The following CPVL variants were observed in gnomAD, a reference collection of about 807,000 sequenced individuals.
CPVL encodes carboxypeptidase vitellogenic like.
In CPVL, 51 loss-of-function variants were observed where a neutral mutation model predicts 63.7. The observed-to-expected ratio is 0.80, with a 90% confidence interval of 0.64 to 1.01. The LOEUF is 1.01. CPVL is among the 50% of genes least tolerant of loss of function. The pLI is 0.00. For missense variants in CPVL, 530 were observed against 573.1 expected (o/e 0.92, Z 0.77); for synonymous variants, 195 against 206.0 (o/e 0.95, Z 0.46).
chr7:29,150,285 T>A (rs1793410757), upstream of CPVL, among the ~76,000 whole-genome samples: 1 of 152,226 alleles, frequency 6.6e-6, no homozygotes, highest in South Asian at 2.1e-4. Flanking sequence ...TACTATTAGC[T>A]ATCTTGCGGT....
intron 9 of CPVL, among the ~76,000 whole-genome samples, chr7:29,068,902 C>G (rs1208276786): frequency 6.7e-6 from 1 of 150,166 alleles, no homozygotes; most frequent in Non-Finnish European, 1.5e-5. Flanking sequence ...TCACCGTGGT[C>G]TCGATCTCCT....
chr7:29,028,453 C>T (rs1251625759), intron 12 of CPVL, among the ~76,000 whole-genome samples: 3 of 151,936 alleles, frequency 2.0e-5, no homozygotes, highest in African/African-American at 7.3e-5. Flanking sequence ...TGGCTAAGAC[C>T]CCAAAAGCAT....
At chr7:29,064,642 G>T (rs1322332873) in intron 10 of CPVL, among the ~76,000 whole-genome samples, 1 of 152,100 alleles carries the variant, frequency 6.6e-6, no homozygotes, top group African/African-American at 2.4e-5. Context: ...GGGCCAGGTT[G>T]GTGGTGTGCT....
intron 1 of CPVL, among the ~76,000 whole-genome samples, chr7:29,129,348 T>C (rs1790429719): frequency 6.6e-6 from 1 of 152,368 alleles, no homozygotes; most frequent in Admixed American, 6.5e-5. Context: ...GCATGAATTG[T>C]TATGTGCTGA....
In CPVL at chr7:29,068,550, C is replaced by T. The variant is rs544186026; in HGVS notation, c.865-2429G>A. Among the ~76,000 whole-genome samples, 15 of 152,222 alleles carry T rather than the reference C, an allele frequency of 9.9e-5. No homozygotes were observed. In the South Asian group the frequency reaches 1.5e-3, roughly 15 times the overall value. Reference sequence around the variant, plus strand: ...ACAGGGAACCAGCCAAAGTTCTGCTCGCTGAGCTGGAGAGCCTGGCTCAGG... The same window carrying T: ...ACAGGGAACCAGCCAAAGTTCTGCTTGCTGAGCTGGAGAGCCTGGCTCAGG... On this transcript the variant is annotated intron_variant, in intron 9 of 12. Coordinates refer to ENST00000265394, the MANE Select transcript of CPVL (RefSeq NM_031311.5).
chr7:29,022,054 G>A (rs1448829158), intron 12 of CPVL, among the ~76,000 whole-genome samples: 1 of 152,170 alleles, frequency 6.6e-6, no homozygotes, highest in African/African-American at 2.4e-5. Flanking sequence ...CAGAGCCTGA[G>A]AGCTGCCTGC....
intron 10 of CPVL, 73 bp from the exon 11 acceptor site, chr7:29,064,307 G>C (rs1447892228): frequency 1.1e-6 from 1 of 905,034 alleles, no homozygotes; most frequent in Non-Finnish European, 1.7e-6. Context: ...GAAAAGCTGT[G>C]AATTTCTCAT....
Position 29,071,807 on chromosome 7 carries a change from T to A in CPVL, c.830A>T (p.His277Leu). 6.2e-7 allele frequency: 1 copy of A among 1,613,138 alleles called. No homozygotes were observed. Among genetic ancestry groups the A allele is most frequent in the Non-Finnish European group, 8.5e-7 (1 of 1,179,568 alleles). The change falls in exon 9 of 13, where the codon CAC (histidine) becomes CTC (leucine). Residue 277 changes from histidine to leucine, a missense_variant. Physicochemically the swap from His to Leu is moderately conservative, Grantham distance 99. Coordinates refer to ENST00000265394, the MANE Select transcript of CPVL (RefSeq NM_031311.5). The part of the protein sequence containing the change: ...FQKQCHECIE[H>L]IRKQNWFEAF... ...CTCAAACCAGTTCTGCTTCCTGATG[T>A]GTTCTATGCATTCATGGCACTGCTT...
At chr7:29,171,233 C>T (rs759489520) in intron 5 of CPVL, among the ~76,000 whole-genome samples, 19 of 152,144 alleles carry the variant, frequency 1.2e-4, no homozygotes, top group South Asian at 4.1e-4. Flanking sequence ...TCACCTAATA[C>T]GCGTCCTACT....
intron 5 of CPVL, among the ~76,000 whole-genome samples, chr7:29,171,842 C>T (rs967279917): frequency 6.6e-6 from 1 of 152,170 alleles, no homozygotes; most frequent in Non-Finnish European, 1.5e-5. Flanking sequence ...GTAGCTGAAG[C>T]TTTCAAGCAT....
At chr7:28,997,391 A>C (rs1449408428) in intron 12 of CPVL, among the ~76,000 whole-genome samples, 1 of 152,230 alleles carries the variant, frequency 6.6e-6, no homozygotes, top group Non-Finnish European at 1.5e-5. Context: ...AAGGAAACTG[A>C]GGCAGAAAAA....
intron 1 of CPVL, chr7:29,124,902 A>G (rs1453243952): frequency 6.6e-6 from 1 of 152,148 alleles, no homozygotes; most frequent in African/African-American, 2.4e-5. Flanking sequence ...AAAAGTGCTT[A>G]TTCCTTATTA....
At chr7:29,036,164 A>G (rs1788505296) in intron 11 of CPVL, among the ~76,000 whole-genome samples, 1 of 152,188 alleles carries the variant, frequency 6.6e-6, no homozygotes, top group African/African-American at 2.4e-5. Context: ...ACACCTTCGG[A>G]CCAGTGCAGT....
At chr7:29,116,421 T>C (rs764212688) in intron 2 of CPVL, among the ~76,000 whole-genome samples, 15 of 152,244 alleles carry the variant, frequency 9.9e-5, no homozygotes, top group Non-Finnish European at 1.9e-4. Context: ...TGGAGGAGTT[T>C]CTATCTTTCC....
intron 12 of CPVL, among the ~76,000 whole-genome samples, chr7:29,015,120 C>A (rs1786273356): frequency 6.6e-6 from 1 of 152,224 alleles, no homozygotes; most frequent in African/African-American, 2.4e-5. Flanking sequence ...AATTAGGAAG[C>A]TGTGGTCGTT....
intron 3 of CPVL, among the ~76,000 whole-genome samples, chr7:29,105,383 TG>T (rs1236866903): frequency 6.6e-6 from 1 of 152,212 alleles, no homozygotes; most frequent in Non-Finnish European, 1.5e-5. Flanking sequence ...TGGCCATACT[TG>T]GCCGAGTGCC....
chr7:29,148,019 G>A (rs1406369966), upstream of CPVL, among the ~76,000 whole-genome samples: 2 of 152,156 alleles, frequency 1.3e-5, no homozygotes, highest in Non-Finnish European at 2.9e-5. Context: ...TGGAAGCTCG[G>A]TCAAGCTTCC....
intron 3 of CPVL, among the ~76,000 whole-genome samples, chr7:29,097,699 A>G (rs1473002639): frequency 2.6e-5 from 4 of 152,244 alleles, no homozygotes; most frequent in African/African-American, 9.6e-5. Context: ...TCTGTCTCAA[A>G]TAAATAAATA....
intron 2 of CPVL, among the ~76,000 whole-genome samples, chr7:29,115,017 T>C (rs1222293350): frequency 6.6e-6 from 1 of 152,146 alleles, no homozygotes; most frequent in Non-Finnish European, 1.5e-5. Flanking sequence ...ATGGGTTTCC[T>C]AGCCTGACAG....
Sources: gnomAD v4.1 joint callset for allele counts (sites outside exome capture counted in the v4.1 genomes callset) on GRCh38, gnomAD v4.1.1 for gene constraint, MANE v1.5 for transcripts, NCBI Gene and HGNC (gene_info 2026-07-23, HGNC 2026-07-21) for gene names.